Variants in PDE4D observed in about 807,000 individuals in gnomAD.
PDE4D encodes 3',5'-cyclic-AMP phosphodiesterase 4D.
A neutral mutation model predicts 87.4 loss-of-function variants in PDE4D; 24 were observed. The ratio of observed to expected loss-of-function variants is 0.27; its 90% CI spans 0.20 to 0.39. The LOEUF is 0.39. Ranked by LOEUF, PDE4D falls within the 10% of genes least tolerant of loss-of-function variation. The pLI, the probability that PDE4D is intolerant of heterozygous loss-of-function variation, is 1.00. For synonymous variants in PDE4D, 384 were observed against 383.2 expected, an observed-to-expected ratio of 1.00 and a Z score of -0.02; for missense variants, 714 against 1,041.0, an observed-to-expected ratio of 0.69 and a Z score of 4.32.
chr5:60,454,254 A>T (rs1198306015), intron 1 of PDE4D, among the ~76,000 whole-genome samples: 1 of 152,132 alleles, frequency 6.6e-6, no homozygotes, highest in South Asian at 2.1e-4. Flanking sequence ...TTCCTCAAGG[A>T]TCTAGAACCT....
chr5:60,259,855 T>G (rs10939838), intron 1 of PDE4D, among the ~76,000 whole-genome samples: 1 of 151,966 alleles, frequency 6.6e-6, no homozygotes, highest in Non-Finnish European at 1.5e-5. Context: ...AGTGACCTCC[T>G]GGGTGTTTTA....
intron 1 of PDE4D, among the ~76,000 whole-genome samples, chr5:59,608,500 T>C (rs1156392042): frequency 3.3e-5 from 5 of 152,252 alleles, no homozygotes; most frequent in Middle Eastern, 3.4e-3. Flanking sequence ...ATATTGGACA[T>C]TGAAAATGAT....
At chr5:59,583,795 T>C (rs1466050091) in intron 1 of PDE4D, among the ~76,000 whole-genome samples, 2 of 152,192 alleles carry the variant, frequency 1.3e-5, no homozygotes, top group African/African-American at 4.8e-5. Flanking sequence ...CTGGTAAAAT[T>C]TGAAGACTAC....
chr5:59,848,607 TCA>T (rs1487382684), intron 1 of PDE4D, among the ~76,000 whole-genome samples: 1 of 151,956 alleles, frequency 6.6e-6, no homozygotes, highest in Non-Finnish European at 1.5e-5. Flanking sequence ...GGAAAATATA[TCA>T]CAGTTTTAAC....
At chr5:59,683,063 A>T (rs910788914) in intron 1 of PDE4D, among the ~76,000 whole-genome samples, 4 of 152,238 alleles carry the variant, frequency 2.6e-5, no homozygotes, top group African/African-American at 9.6e-5. Context: ...ACAACATTTT[A>T]TCCATGTTAA....
rs138567055 is a variant in PDE4D, at chr5:59,507,141, G to A, written c.456-291173C>T. On this transcript the variant is annotated intron_variant, in intron 1 of 14. Transcript: ENST00000340635. ...GAGATGAGGAGTTCGTGACCAGCCC[G>A]GCCAAAATGGCAAAACCCCATCTCT... 3.2e-3 allele frequency among the ~76,000 whole-genome samples: 490 copies of A among 152,228 alleles called. 2 individuals carry two copies. Among genetic ancestry groups the A allele is most frequent in the Non-Finnish European group, 4.3e-3 (291 of 68,016 alleles).
chr5:59,907,016 T>C (rs1487909933), intron 3 of PDE4D, among the ~76,000 whole-genome samples: 1 of 152,144 alleles, frequency 6.6e-6, no homozygotes, highest in Admixed American at 6.6e-5. Flanking sequence ...AAAGAAAATG[T>C]GGTACATATA....
At position 59,985,124 on chromosome 5, in the gene PDE4D, G is replaced by GTTTTTTTTTTTTTTTTTTTTT. The variant is rs762506771; in HGVS notation, c.272+3363_272+3364insAAAAAAAAAAAAAAAAAAAAA. ...AATATAAGCCCGAACTTCACCTTTCGTTTTTTGTTTTTTGTTTTTTGTTTT... is the reference window on the plus strand; with the variant it reads ...AATATAAGCCCGAACTTCACCTTTCGTTTTTTTTTTTTTTTTTTTTTTTTTTTGTTTTTTGTTTTTTGTTTT... On this transcript the variant is annotated intron_variant, in intron 3 of 16. Transcript: ENST00000502484. 1.5e-4 allele frequency among the ~76,000 whole-genome samples: 17 copies of GTTTTTTTTTTTTTTTTTTTTT among 111,344 alleles called. 3 individuals carry two copies. The highest frequency in any genetic ancestry group is 7.5e-4 in the East Asian group (2 of 2,654). The allele number at this position is 111,344 out of a possible 152,430, so 73.0% of individuals were successfully genotyped here.
At chr5:60,263,045 G>A (rs1267678592) in intron 1 of PDE4D, among the ~76,000 whole-genome samples, 2 of 152,172 alleles carry the variant, frequency 1.3e-5, no homozygotes, top group African/African-American at 4.8e-5. Context: ...CTTCTCATGG[G>A]ACTTCCCTGG....
At chr5:60,171,866 G>A (rs1783461607) in intron 2 of PDE4D, among the ~76,000 whole-genome samples, 1 of 151,712 alleles carries the variant, frequency 6.6e-6, no homozygotes, top group Non-Finnish European at 1.5e-5. Flanking sequence ...CTAACTTTAA[G>A]GTTTTAAAAT....
intron 1 of PDE4D, among the ~76,000 whole-genome samples, chr5:59,418,971 T>C (rs753438471): frequency 7.9e-5 from 12 of 152,202 alleles, no homozygotes; most frequent in East Asian, 1.9e-4. Context: ...ACTAACTTTA[T>C]GGTCTTCAGT....
At chr5:59,329,973 A>C (rs536784044) in intron 1 of PDE4D, among the ~76,000 whole-genome samples, 21 of 152,362 alleles carry the variant, frequency 1.4e-4, no homozygotes, top group African/African-American at 4.6e-4. Context: ...TTTACAAATT[A>C]ATTATGGAGC....
chr5:59,178,516 G>A (rs1377109128), intron 5 of PDE4D, among the ~76,000 whole-genome samples: 1 of 152,074 alleles, frequency 6.6e-6, no homozygotes, highest in Non-Finnish European at 1.5e-5. Context: ...ATTTCTAGGA[G>A]CTTCTATGAG....
intron 1 of PDE4D, among the ~76,000 whole-genome samples, chr5:60,362,998 T>C (rs1352996940): frequency 1.3e-5 from 2 of 152,206 alleles, no homozygotes; most frequent in East Asian, 3.8e-4. Flanking sequence ...TTAAAAACTG[T>C]CTCTAGCTGT....
chr5:59,627,809 C>T (rs1229928626), intron 1 of PDE4D, among the ~76,000 whole-genome samples: 1 of 152,156 alleles, frequency 6.6e-6, no homozygotes, highest in African/African-American at 2.4e-5. Context: ...CTGCTTATCC[C>T]TAAGGCAGAG....
At chr5:59,316,835 C>A (rs758646750) in intron 1 of PDE4D, among the ~76,000 whole-genome samples, 8 of 152,190 alleles carry the variant, frequency 5.3e-5, no homozygotes, top group Non-Finnish European at 8.8e-5. Context: ...CACCTGCCTT[C>A]TTCACCTCTA....
chr5:59,062,636 G>T (rs1280172784), intron 5 of PDE4D, among the ~76,000 whole-genome samples: 2 of 151,374 alleles, frequency 1.3e-5, no homozygotes, highest in Non-Finnish European at 2.9e-5. Context: ...ATGTATATTT[G>T]TGTGTATGTG....
rs1308027733 is a variant in PDE4D at position 60,347,480 on chromosome 5, G to C, written c.-90+140462C>G. 2.6e-5 allele frequency among the ~76,000 whole-genome samples: 4 copies of C among 152,190 alleles called. No individual in the cohort carries two copies. The East Asian group carries it at 7.7e-4, about 29-fold the overall frequency. On this transcript the variant is annotated intron_variant, in intron 1 of 16. Coordinates refer to the PDE4D transcript ENST00000502484. ...ACTTTAAAAGATCACCCTGACTGTT[G>C]TGTAGAGAATAGGTTGCATATTTTA... is the stretch of plus-strand genomic sequence containing the variant.
At chr5:58,992,781 A>G (rs1233482203) in intron 7 of PDE4D, among the ~76,000 whole-genome samples, 2 of 152,172 alleles carry the variant, frequency 1.3e-5, no homozygotes. Context: ...AATGTTAACT[A>G]TATATAACAG....
Sources: allele counts gnomAD v4.1 joint callset (sites outside exome capture counted in the v4.1 genomes callset), GRCh38; gene constraint gnomAD v4.1.1; transcripts MANE v1.5; gene names NCBI Gene and HGNC (gene_info 2026-07-23, HGNC 2026-07-21).